Variants in ELMOD2 observed in about 807,000 individuals in gnomAD.
ELMOD2 encodes the protein ELMO domain containing 2.
Under a neutral mutation model 41.0 loss-of-function variants are expected in ELMOD2, and 28 were observed. That is an observed-to-expected ratio of 0.68 (90% CI 0.51 to 0.94). ELMOD2 has a LOEUF of 0.94. Ranked by LOEUF, ELMOD2 falls within the 40% of genes least tolerant of loss-of-function variation. The pLI is 0.00. For synonymous variants in ELMOD2, 106 were observed against 107.2 expected (o/e 0.99, Z 0.07); for missense variants, 333 against 343.1 (o/e 0.97, Z 0.23).
intron 5 of ELMOD2, among the ~76,000 whole-genome samples, chr4:140,537,982 A>G (rs1734985892): frequency 6.6e-6 from 1 of 152,068 alleles, no homozygotes; most frequent in Non-Finnish European, 1.5e-5. Flanking sequence ...TATTTTGTCC[A>G]ATCTTTTGGG....
chr4:140,550,382 C>T lies in ELMOD2; in HGVS notation c.*7C>T, dbSNP rs752128209. Reference sequence around the variant, plus strand: ...ACTTACTTTAAAAGTATAAATCATCCACTGTATCTTCTATTTCTACCACAT... The same window carrying T: ...ACTTACTTTAAAAGTATAAATCATCTACTGTATCTTCTATTTCTACCACAT... On this transcript the variant is annotated 3_prime_UTR_variant, in exon 9 of 9. Coordinates refer to ENST00000323570, the MANE Select transcript of ELMOD2 (RefSeq NM_153702.4). 5 of 1,588,080 alleles carry T rather than the reference C, an allele frequency of 3.1e-6. No individual in the cohort carries two copies. In the South Asian group the frequency reaches 5.8e-5, roughly 18 times the overall value.
intron 5 of ELMOD2, among the ~76,000 whole-genome samples, 175 bp downstream of exon 5, chr4:140,537,716 G>C (rs907352292): frequency 2.0e-5 from 3 of 150,240 alleles, no homozygotes; most frequent in Non-Finnish European, 4.4e-5. Context: ...TTTTTAGTTA[G>C]GTATTTTTAT....
At position 140,551,714 on chromosome 4, in the gene ELMOD2, A is replaced by G. The variant is rs1479790665; in HGVS notation, c.*1339A>G. 2.0e-5 allele frequency: 3 copies of G among 152,092 alleles called. No individual in the cohort carries two copies. The highest frequency in any genetic ancestry group is 2.0e-4 in the Admixed American group (3 of 15,262). 9.4% of individuals were successfully genotyped at this position (152,092 alleles called of 1,614,324 possible). A position where few individuals can be genotyped will look rare whatever the true frequency, so the allele number is the denominator to read the frequency against. On this transcript the variant is annotated 3_prime_UTR_variant, in exon 9 of 9. Transcript: ENST00000323570. ...CACCTTTTAATGTGGGTATATATCA[A>G]GTGTTTAAGGACTGGCTAGTATGTG...
At chr4:140,547,374 G>A (rs1735323493) in intron 8 of ELMOD2, among the ~76,000 whole-genome samples, 1 of 152,084 alleles carries the variant, frequency 6.6e-6, no homozygotes. Context: ...TCCAAACTGT[G>A]AGCAGCTATC....
chr4:140,526,491 T>G (rs569375595), intron 2 of ELMOD2, among the ~76,000 whole-genome samples: 43 of 152,330 alleles, frequency 2.8e-4, no homozygotes, highest in Non-Finnish European at 4.1e-4. Context: ...TCATGCTCTC[T>G]GTGTTAAACG....
Position 140,525,421 on chromosome 4 carries a change from A to C in ELMOD2, c.-8A>C, listed in dbSNP as rs1319523521. The C allele has an allele frequency of 6.3e-7, 1 of 1,579,868 alleles. No individual in the cohort carries two copies. The highest frequency in any genetic ancestry group is 1.1e-5 in the South Asian group (1 of 87,232). On this transcript the variant is annotated splice_region_variant and 5_prime_UTR_variant, in exon 2 of 9. Transcript: ENST00000323570. ...GTCTTGTATGTTTCCCTCCTCCAGG[A>C]AAAAAAAATGTTTATTTCTTTGTGG...
chr4:140,529,940 TTTG>T (rs1420239575), intron 3 of ELMOD2, among the ~76,000 whole-genome samples: 2 of 152,206 alleles, frequency 1.3e-5, no homozygotes, highest in African/African-American at 2.4e-5. Context: ...TTGTTTATTT[TTTG>T]TTGTTGTTTT....
chr4:140,542,319 C>G (rs1735132179), intron 6 of ELMOD2: 3 of 246,208 alleles, frequency 1.2e-5, no homozygotes, highest in African/African-American at 2.2e-5. Flanking sequence ...AAGGTAGTCT[C>G]TTTTTATATT....
At chr4:140,542,377 G>T in intron 6 of ELMOD2, 197 bp from the exon 7 acceptor site, 1 of 420,108 alleles carries the variant, frequency 2.4e-6, no homozygotes, top group Non-Finnish European at 4.2e-6. Context: ...CCTATATTCT[G>T]TACTACATAG....
Position 140,550,240 on chromosome 4 carries a change from CTA to C in ELMOD2, c.749_750del (p.Tyr250Ter). On this transcript the variant is annotated frameshift_variant, in exon 9 of 9. Coordinates refer to ENST00000323570, the MANE Select transcript of ELMOD2 (RefSeq NM_153702.4). LOFTEE classifies it high-confidence loss of function. ...HFHQFYCYLV[Y>X]EFDKFWFEEE... ...TTTCTTTAACTGCAGGTTATCTTGT[CTA>C]TGAATTTGACAAGTTTTGGTTTGAA... 6.2e-7 allele frequency: 1 copy of C among 1,608,856 alleles called. No individual in the cohort carries two copies. Among genetic ancestry groups the C allele is most frequent in the East Asian group, 2.2e-5 (1 of 44,632 alleles).
Position 140,553,620 on chromosome 4 carries a change from T to G in ELMOD2, c.*3245T>G. 6.6e-6 allele frequency: 1 copy of G among 152,162 alleles called. No homozygotes were observed. The highest frequency in any genetic ancestry group is 1.9e-4 in the East Asian group (1 of 5,200). The allele number at this position is 152,162 out of a possible 1,614,324, so 9.4% of individuals were successfully genotyped here. A position where few individuals can be genotyped will look rare whatever the true frequency, so the allele number is the denominator to read the frequency against. ...GTTAAAGTATTCAAGTAGCTTTCTC[T>G]GGGGGAAAAAGTACCACTTGGACAC... On this transcript the variant is annotated 3_prime_UTR_variant, in exon 9 of 9. Transcript: ENST00000323570.
In ELMOD2 at chr4:140,537,485, G is replaced by A; in HGVS notation, c.343G>A (p.Val115Met). ...YKQLYLDVES[V>M]RKRPYDSDNL... ...ACAGCTGTATTTGGATGTAGAAAGT[G>A]TGAGGAAAAGGCCATATGATTCTGA... The change falls in exon 5 of 9, where the codon GTG becomes ATG. Residue 115 changes from valine (V) to methionine (M), a missense_variant. Val to Met is a conservative substitution (Grantham distance 21, BLOSUM62 1). Coordinates refer to ENST00000323570, the MANE Select transcript of ELMOD2 (RefSeq NM_153702.4). 1 of 1,586,494 alleles carries A rather than the reference G, an allele frequency of 6.3e-7. No homozygotes were observed. Among genetic ancestry groups the A allele is most frequent in the Non-Finnish European group, 8.6e-7 (1 of 1,168,756 alleles).
chr4:140,531,669 C>T (rs1734751860), intron 3 of ELMOD2, among the ~76,000 whole-genome samples: 1 of 152,190 alleles, frequency 6.6e-6, no homozygotes, highest in South Asian at 2.1e-4. Flanking sequence ...TAGTGATGCA[C>T]ATTTGCATTT....
intron 8 of ELMOD2, among the ~76,000 whole-genome samples, chr4:140,546,772 C>A (rs1735301171): frequency 6.6e-6 from 1 of 152,058 alleles, no homozygotes; most frequent in South Asian, 2.1e-4. Context: ...GGAACTGTTG[C>A]TCTCCAGCAC....
intron 3 of ELMOD2, among the ~76,000 whole-genome samples, chr4:140,530,286 A>G (rs899205951): frequency 1.3e-5 from 2 of 152,174 alleles, no homozygotes; most frequent in Non-Finnish European, 1.5e-5. Context: ...ATAAGATGCT[A>G]CATTTAAGAA....
intron 3 of ELMOD2, among the ~76,000 whole-genome samples, chr4:140,529,711 T>A (rs987846678): frequency 2.0e-5 from 3 of 152,234 alleles, no homozygotes; most frequent in South Asian, 4.1e-4. Context: ...TAGAATTATC[T>A]TCTCCCGCTT....
chr4:140,545,311 TG>T (rs1469315116), intron 8 of ELMOD2, among the ~76,000 whole-genome samples: 6 of 152,186 alleles, frequency 3.9e-5, no homozygotes, highest in African/African-American at 1.2e-4. Flanking sequence ...AGACATCCAC[TG>T]CCTTACTAGA....
At chr4:140,547,527 T>G (rs548840183) in intron 8 of ELMOD2, among the ~76,000 whole-genome samples, 8 of 151,932 alleles carry the variant, frequency 5.3e-5, no homozygotes, top group African/African-American at 1.7e-4. Flanking sequence ...GGTTTGGTGG[T>G]TCCAAAAAAA....
intron 8 of ELMOD2, 128 bp downstream of exon 8, chr4:140,543,714 T>A (rs188722064): frequency 1.3e-6 from 1 of 764,114 alleles, no homozygotes; most frequent in Non-Finnish European, 1.8e-6. Context: ...TTTTATTACT[T>A]AGGGTCTTTG....
Sources: allele counts gnomAD v4.1 joint callset (sites outside exome capture counted in the v4.1 genomes callset), GRCh38; gene constraint gnomAD v4.1.1; transcripts MANE v1.5; gene names NCBI Gene and HGNC (gene_info 2026-07-23, HGNC 2026-07-21).